Variants in MALRD1 observed in about 807,000 individuals in gnomAD.
The protein encoded by MALRD1 is MAM and LDL-receptor class A domain-containing protein 1.
Under a neutral mutation model 242.1 loss-of-function variants are expected in MALRD1, and 247 were observed. The ratio of observed to expected loss-of-function variants is 1.02; its 90% CI spans 0.92 to 1.13. The LOEUF is 1.13. Among genes scored for constraint, MALRD1 ranks in the 50% most tolerant of loss-of-function variants. The pLI is 0.00. For missense variants in MALRD1, 2,989 were observed against 2,533.1 expected, an observed-to-expected ratio of 1.18 and a Z score of -3.86; for synonymous variants, 995 against 866.6, an observed-to-expected ratio of 1.15 and a Z score of -2.60.
At chr10:19,344,069 A>G (rs1027728485) in intron 24 of MALRD1, among the ~76,000 whole-genome samples, 4 of 152,078 alleles carry the variant, frequency 2.6e-5, no homozygotes, top group Non-Finnish European at 5.9e-5. Context: ...CTTTTAACAG[A>G]TATGTGAATG....
chr10:19,308,025 A>G (rs1842287068), intron 21 of MALRD1, among the ~76,000 whole-genome samples: 1 of 151,582 alleles, frequency 6.6e-6, no homozygotes, highest in African/African-American at 2.4e-5. Context: ...CCTTTGTGTT[A>G]AAAACAGTCC....
intron 36 of MALRD1, among the ~76,000 whole-genome samples, chr10:19,659,989 T>G (rs1309924481): frequency 1.3e-5 from 2 of 152,168 alleles, no homozygotes; most frequent in Non-Finnish European, 2.9e-5. Flanking sequence ...CCCTTTACAG[T>G]GCCTTTAGCT....
chr10:19,063,684 CATT>C (rs1442172914), intron 1 of MALRD1, among the ~76,000 whole-genome samples: 1 of 151,284 alleles, frequency 6.6e-6, no homozygotes, highest in African/African-American at 2.4e-5. Flanking sequence ...TCCAGTCTAT[CATT>C]GTTGGACATT....
At chr10:19,452,358 A>G (rs536324998) in intron 29 of MALRD1, among the ~76,000 whole-genome samples, 11 of 152,280 alleles carry the variant, frequency 7.2e-5, no homozygotes, top group South Asian at 6.2e-4. Context: ...ATTTTGTTCA[A>G]TTGAAGCCAA....
rs532342389 is a variant in MALRD1 at position 19,470,613 on chromosome 10, A to G, written c.5029+20123A>G. ...TTCTCCCCTTTTATTTTTCAAAACAATAGCCATCCCAAGAGGTGTGTGGAG... is the reference window on the plus strand; with the variant it reads ...TTCTCCCCTTTTATTTTTCAAAACAGTAGCCATCCCAAGAGGTGTGTGGAG... On this transcript the variant is annotated intron_variant, in intron 29 of 39. Coordinates refer to ENST00000454679, the MANE Select transcript of MALRD1 (RefSeq NM_001142308.3). 5.3e-5 allele frequency among the ~76,000 whole-genome samples: 8 copies of G among 152,058 alleles called. No homozygotes were observed. In the East Asian group the frequency reaches 1.5e-3, roughly 29 times the overall value.
chr10:19,212,400 C>T (rs1169285667), intron 18 of MALRD1, among the ~76,000 whole-genome samples: 1 of 152,056 alleles, frequency 6.6e-6, no homozygotes, highest in Non-Finnish European at 1.5e-5. Flanking sequence ...TAGAGTCTGC[C>T]TTGTTTCATT....
intron 18 of MALRD1, among the ~76,000 whole-genome samples, chr10:19,217,403 T>C (rs1372049084): frequency 6.6e-6 from 1 of 152,210 alleles, no homozygotes; most frequent in Admixed American, 6.5e-5. Flanking sequence ...CTACTCATTT[T>C]TTTCAGATTC....
At chr10:19,214,704 A>G (rs1409123251) in intron 18 of MALRD1, among the ~76,000 whole-genome samples, 1 of 152,194 alleles carries the variant, frequency 6.6e-6, no homozygotes, top group African/African-American at 2.4e-5. Context: ...GCAGTCTCTT[A>G]TACATTATTA....
At chr10:19,569,483 A>T (rs183215797) in intron 33 of MALRD1, among the ~76,000 whole-genome samples, 1 of 151,714 alleles carries the variant, frequency 6.6e-6, no homozygotes, top group African/African-American at 2.4e-5. Flanking sequence ...AGGAAAAAAA[A>T]ATCTCCATCT....
intron 32 of MALRD1, among the ~76,000 whole-genome samples, chr10:19,537,853 T>C (rs1236491916): frequency 6.6e-6 from 1 of 152,084 alleles, no homozygotes; most frequent in Non-Finnish European, 1.5e-5. Context: ...GATTTCAACA[T>C]GTGAATCTTG....
chr10:19,567,386 AG>A (rs1836302004), intron 32 of MALRD1, 115 bp from the exon 33 acceptor site: 2 of 846,358 alleles, frequency 2.4e-6, no homozygotes, highest in Non-Finnish European at 3.7e-6. Context: ...AAAATACAAT[AG>A]TCAATGTATT....
intron 29 of MALRD1, among the ~76,000 whole-genome samples, chr10:19,479,674 A>G (rs550286983): frequency 1.3e-5 from 2 of 152,342 alleles, no homozygotes; most frequent in African/African-American, 2.4e-5. Flanking sequence ...GGCTACTGCT[A>G]TAACAAAATA....
intron 18 of MALRD1, among the ~76,000 whole-genome samples, chr10:19,224,926 G>A (rs539996545): frequency 6.6e-6 from 1 of 152,128 alleles, no homozygotes; most frequent in African/African-American, 2.4e-5. Flanking sequence ...CCTATGTTCT[G>A]AATGGTATTG....
chr10:19,656,509 A>G (rs899265407), intron 36 of MALRD1, among the ~76,000 whole-genome samples: 1 of 152,136 alleles, frequency 6.6e-6, no homozygotes, highest in Non-Finnish European at 1.5e-5. Context: ...CTGAAGGGCC[A>G]CCATTCATTC....
At chr10:19,436,580 A>G (rs1379805456) in intron 28 of MALRD1, among the ~76,000 whole-genome samples, 1 of 152,198 alleles carries the variant, frequency 6.6e-6, no homozygotes, top group African/African-American at 2.4e-5. Context: ...TTTAGTAACC[A>G]GAGTACAGTG....
At chr10:19,623,665 G>T (rs1400509585) in intron 36 of MALRD1, among the ~76,000 whole-genome samples, 1 of 152,130 alleles carries the variant, frequency 6.6e-6, no homozygotes, top group Non-Finnish European at 1.5e-5. Flanking sequence ...CAAGACCTCT[G>T]ATGTCTAACA....
intron 31 of MALRD1, among the ~76,000 whole-genome samples, chr10:19,520,563 T>G (rs1319331530): frequency 6.6e-6 from 1 of 152,232 alleles, no homozygotes; most frequent in Middle Eastern, 3.2e-3. Context: ...GAATGTGTCT[T>G]GCAGATTTAG....
intron 38 of MALRD1, among the ~76,000 whole-genome samples, chr10:19,724,659 T>C (rs1834932232): frequency 6.6e-6 from 1 of 152,232 alleles, no homozygotes; most frequent in African/African-American, 2.4e-5. Flanking sequence ...TTAAATTGTT[T>C]ACATTAAGGA....
At chr10:19,084,872 A>G (rs1218926010) in intron 2 of MALRD1, among the ~76,000 whole-genome samples, 1 of 152,006 alleles carries the variant, frequency 6.6e-6, no homozygotes, top group Admixed American at 6.6e-5. Context: ...TTATTTTGTC[A>G]TTTTAATAAT....
Sources: gnomAD v4.1 joint callset for allele counts (sites outside exome capture counted in the v4.1 genomes callset) on GRCh38, gnomAD v4.1.1 for gene constraint, MANE v1.5 for transcripts, NCBI Gene and HGNC (gene_info 2026-07-23, HGNC 2026-07-21) for gene names.